The following DNER variants were observed in gnomAD, a reference collection of about 807,000 sequenced individuals.
DNER encodes the protein delta/notch like EGF repeat containing.
A neutral mutation model predicts 78.2 loss-of-function variants in DNER; 33 were observed. The observed-to-expected ratio is 0.42, with a 90% CI of 0.32 to 0.56. DNER has a LOEUF of 0.56. Among genes scored for constraint, DNER ranks in the 20% least tolerant of loss-of-function variants. DNER has a pLI of 0.11. For missense variants in DNER, 918 were observed against 975.3 expected, an observed-to-expected ratio of 0.94 and a Z score of 0.78; for synonymous variants, 417 against 384.8, an observed-to-expected ratio of 1.08 and a Z score of -0.98.
chr2:229,676,692 G>A (rs1699306124), intron 1 of DNER, among the ~76,000 whole-genome samples: 2 of 152,142 alleles, frequency 1.3e-5, no homozygotes, highest in African/African-American at 4.8e-5. Context: ...GTCTCCCAAG[G>A]AGAACTCTGG....
At chr2:229,388,646 TAG>T (rs1692954043) in intron 10 of DNER, among the ~76,000 whole-genome samples, 6 of 89,068 alleles carry the variant, frequency 6.7e-5, no homozygotes, top group African/African-American at 2.1e-4. Flanking sequence ...TATATATATA[TAG>T]CACTGGTAAA....
At chr2:229,553,507 GA>G (rs1229516394) in intron 4 of DNER, among the ~76,000 whole-genome samples, 1 of 152,178 alleles carries the variant, frequency 6.6e-6, no homozygotes, top group East Asian at 1.9e-4. Flanking sequence ...AAAGGACAGG[GA>G]TAAGACCCAA....
chr2:229,458,442 A>C (rs946256743), intron 7 of DNER, among the ~76,000 whole-genome samples: 2 of 151,980 alleles, frequency 1.3e-5, no homozygotes, highest in African/African-American at 4.8e-5. Flanking sequence ...AACTGACAGA[A>C]TCAATTGACA....
At chr2:229,449,435 G>A (rs1694406274) in intron 7 of DNER, among the ~76,000 whole-genome samples, 1 of 152,140 alleles carries the variant, frequency 6.6e-6, no homozygotes, top group African/African-American at 2.4e-5. Context: ...ATTTCCTCGA[G>A]CATGACACTA....
chr2:229,442,915 T>G (rs887308282), intron 8 of DNER, among the ~76,000 whole-genome samples: 9 of 152,190 alleles, frequency 5.9e-5, no homozygotes, highest in African/African-American at 9.7e-5. Context: ...TCAAAAAATT[T>G]CACTTGGAAA....
chr2:229,649,545 G>A (rs771896113), intron 1 of DNER, among the ~76,000 whole-genome samples: 28 of 152,082 alleles, frequency 1.8e-4, no homozygotes, highest in Admixed American at 3.3e-4. Context: ...GTCACTGAAC[G>A]CCAAGATGCG....
rs112107478 is a variant in DNER, at chr2:229,546,834, T to C, written c.993+113A>G. The C allele has an allele frequency of 1.0e-3, 1,381 of 1,321,898 alleles. 6 individuals are homozygous for C. The highest frequency in any genetic ancestry group is 4.8e-3 in the African/African-American group (260 of 53,860). The allele number at this position is 1,321,898 out of a possible 1,614,324, so 81.9% of individuals were successfully genotyped here. A position where few individuals can be genotyped will look rare whatever the true frequency, so the allele number is the denominator to read the frequency against. ...ACAGACAGACAGACAGACAGACAGA[T>C]AGATAGATAGAGCAAGGATGAAAGG... is the stretch of plus-strand genomic sequence containing the variant. On this transcript the variant is annotated intron_variant, in intron 5 of 12. Transcript: ENST00000341772.
intron 7 of DNER, among the ~76,000 whole-genome samples, chr2:229,454,252 A>G (rs1043955044): frequency 2.6e-5 from 4 of 152,210 alleles, no homozygotes; most frequent in Admixed American, 6.5e-5. Flanking sequence ...TCATGCAGCC[A>G]AAGTTAACTG....
intron 5 of DNER, among the ~76,000 whole-genome samples, chr2:229,527,055 A>G (rs1696224133): frequency 6.6e-6 from 1 of 152,234 alleles, no homozygotes; most frequent in Admixed American, 6.5e-5. Flanking sequence ...TAAAAAAGAA[A>G]AAGATCCTAT....
intron 5 of DNER, among the ~76,000 whole-genome samples, chr2:229,534,995 C>T (rs1400833644): frequency 6.6e-6 from 1 of 152,036 alleles, no homozygotes; most frequent in African/African-American, 2.4e-5. Context: ...ACCACCATGC[C>T]CAGCTAATTT....
At chr2:229,521,094 C>T (rs936494225) in intron 5 of DNER, among the ~76,000 whole-genome samples, 3 of 152,170 alleles carry the variant, frequency 2.0e-5, no homozygotes, top group African/African-American at 7.2e-5. Context: ...AGTCCGAAGA[C>T]CTCTCTAAAC....
At chr2:229,641,410 C>T (rs1040872267) in intron 1 of DNER, among the ~76,000 whole-genome samples, 10 of 152,230 alleles carry the variant, frequency 6.6e-5, no homozygotes, top group East Asian at 3.9e-4. Context: ...GTAGAGTTTA[C>T]GGCAGGAAAA....
At chr2:229,405,417 AATAAG>A (rs1184044047) in intron 10 of DNER, among the ~76,000 whole-genome samples, 1 of 152,160 alleles carries the variant, frequency 6.6e-6, no homozygotes, top group Non-Finnish European at 1.5e-5. Flanking sequence ...TACTAAAAAT[AATAAG>A]ATAAGTACAC....
chr2:229,390,250 A>G (rs1316354958), intron 10 of DNER, among the ~76,000 whole-genome samples: 1 of 152,250 alleles, frequency 6.6e-6, no homozygotes, highest in East Asian at 1.9e-4. Context: ...GAATAGCTAC[A>G]GAAACAGCCC....
At chr2:229,423,995 G>GT (rs1693819265) in intron 8 of DNER, among the ~76,000 whole-genome samples, 1 of 152,214 alleles carries the variant, frequency 6.6e-6, no homozygotes, top group Non-Finnish European at 1.5e-5. Context: ...TGCAAACGCA[G>GT]TATTCACAGC....
intron 6 of DNER, among the ~76,000 whole-genome samples, chr2:229,480,010 C>T (rs1244357661): frequency 2.0e-5 from 3 of 152,148 alleles, no homozygotes; most frequent in Non-Finnish European, 2.9e-5. Flanking sequence ...AACCATGACC[C>T]ACAGCCAGCA....
At chr2:229,692,884 T>C (rs1374204788) in intron 1 of DNER, among the ~76,000 whole-genome samples, 1 of 151,690 alleles carries the variant, frequency 6.6e-6, no homozygotes, top group Non-Finnish European at 1.5e-5. Flanking sequence ...ATATGTAATA[T>C]AATACATATA....
rs534043255 is a variant in DNER, at chr2:229,624,816, T to G, written c.277-32928A>C. Among the ~76,000 whole-genome samples, 12 of 152,350 alleles carry G rather than the reference T, an allele frequency of 7.9e-5. No homozygotes were observed. The South Asian group carries it at 2.5e-3, about 32-fold the overall frequency. ...TTGAGCTACATAACACCTTTGTATT[T>G]GTGTACATTTCTGGAGGCTACACAA... is the stretch of plus-strand genomic sequence containing the variant. On this transcript the variant is annotated intron_variant, in intron 1 of 12. Transcript: ENST00000341772.
chr2:229,425,505 A>G (rs961214284), intron 8 of DNER, among the ~76,000 whole-genome samples: 1 of 152,118 alleles, frequency 6.6e-6, no homozygotes, highest in Non-Finnish European at 1.5e-5. Context: ...TTGCTGCATA[A>G]AGGTCTTAAG....
Sources: gnomAD v4.1 joint callset for allele counts (sites outside exome capture counted in the v4.1 genomes callset) on GRCh38, gnomAD v4.1.1 for gene constraint, MANE v1.5 for transcripts, NCBI Gene and HGNC (gene_info 2026-07-23, HGNC 2026-07-21) for gene names.